Variants in MIER1 observed in about 807,000 individuals in gnomAD.
The protein encoded by MIER1 is mesoderm induction early response protein 1.
A neutral mutation model predicts 75.7 loss-of-function variants in MIER1; 40 were observed. The observed-to-expected ratio is 0.53, with a 90% CI of 0.41 to 0.69. The LOEUF (loss-of-function observed/expected upper bound fraction) is 0.69. Among genes scored for constraint, MIER1 ranks in the 30% least tolerant of loss-of-function variants. The pLI, the probability that MIER1 is intolerant of heterozygous loss-of-function variation, is 0.00. For missense variants in MIER1, 574 were observed against 680.2 expected (o/e 0.84, Z 1.74); for synonymous variants, 213 against 223.4 (o/e 0.95, Z 0.42).
At chr1:66,925,424 T>G (rs898026611) in intron 1 of MIER1, 19 of 985,314 alleles carry the variant, frequency 1.9e-5, no homozygotes, top group Non-Finnish European at 2.3e-5. Flanking sequence ...CTGATCCCAG[T>G]CGGGGTGGGG....
At chr1:66,959,033 G>T in intron 6 of MIER1, 50 bp downstream of exon 6, 2 of 1,498,674 alleles carry the variant, frequency 1.3e-6, no homozygotes, top group South Asian at 1.2e-5. Flanking sequence ...ACTATTTTAG[G>T]TATTACCTAA....
intron 2 of MIER1, chr1:66,929,261 T>G (rs1358242306): frequency 2.8e-6 from 1 of 352,760 alleles, no homozygotes; most frequent in Non-Finnish European, 5.4e-6. Context: ...TGGTTGATTT[T>G]GGTAGCCACT....
chr1:66,969,494 A>G (rs1663128153), intron 8 of MIER1, among the ~76,000 whole-genome samples: 1 of 139,750 alleles, frequency 7.2e-6, no homozygotes, highest in Admixed American at 7.8e-5. Context: ...GCAGTGAGCC[A>G]AGATCGCGCC....
intron 3 of MIER1, among the ~76,000 whole-genome samples, chr1:66,945,318 A>ATAT (rs1558042276): frequency 2.3e-4 from 31 of 134,760 alleles, no homozygotes; most frequent in Non-Finnish European, 4.0e-4. Context: ...TATATATATA[A>ATAT]AATACCTAAT....
Position 66,985,751 on chromosome 1 carries a change from T to G in MIER1, c.*851T>G. On this transcript the variant is annotated 3_prime_UTR_variant, in exon 14 of 14. Coordinates refer to ENST00000401041, the MANE Select transcript of MIER1 (RefSeq NM_001077700.3). The stretch of plus-strand genomic sequence containing the variant: ...GTTTTTCTAATGAATTTTTAAGTGT[T>G]TGTGTAGTAATTAAGTCATATTTCT... 1.0e-6 allele frequency: 1 copy of G among 972,936 alleles called. No individual in the cohort carries two copies. Among genetic ancestry groups the G allele is most frequent in the South Asian group, 4.8e-5 (1 of 21,028 alleles). 60.3% of individuals were successfully genotyped at this position (972,936 alleles called of 1,614,324 possible).
Position 66,986,613 on chromosome 1 carries a change from G to C in MIER1, c.*1713G>C. 1 of 678,408 alleles carries C rather than the reference G, an allele frequency of 1.5e-6. No homozygotes were observed. The highest frequency in any genetic ancestry group is 2.5e-6 in the Non-Finnish European group (1 of 398,720). 42.0% of individuals were successfully genotyped at this position (678,408 alleles called of 1,614,324 possible). A position where few individuals can be genotyped will look rare whatever the true frequency, so the allele number is the denominator to read the frequency against. On this transcript the variant is annotated 3_prime_UTR_variant, in exon 14 of 14. Transcript: ENST00000401041. The stretch of plus-strand genomic sequence containing the variant: ...GTTCGGACTGCTTCCCTTCACCAAT[G>C]TGAACAACTTTTTTTCCCAAACAGT...
intron 2 of MIER1, among the ~76,000 whole-genome samples, chr1:66,938,659 A>G (rs1354635693): frequency 6.6e-6 from 1 of 152,150 alleles, no homozygotes; most frequent in African/African-American, 2.4e-5. Context: ...CTACTCTCCA[A>G]GCTTCCCATT....
At chr1:66,955,393 A>T (rs1028482130) in intron 4 of MIER1, among the ~76,000 whole-genome samples, 2 of 130,036 alleles carry the variant, frequency 1.5e-5, no homozygotes, top group African/African-American at 6.1e-5. Context: ...CTCACTGGAG[A>T]CTTACTAGGT....
intron 8 of MIER1, among the ~76,000 whole-genome samples, chr1:66,963,648 G>A (rs1174129268): frequency 1.3e-5 from 2 of 152,112 alleles, no homozygotes; most frequent in South Asian, 2.1e-4. Flanking sequence ...CGTGGCTCAC[G>A]CCTGTAATCC....
chr1:66,984,355 A>G (rs1186612191), intron 13 of MIER1, among the ~76,000 whole-genome samples: 1 of 152,214 alleles, frequency 6.6e-6, no homozygotes, highest in African/African-American at 2.4e-5. Context: ...AGGAATATCT[A>G]TTATGATCTT....
chr1:66,945,309 ATATAT>A (rs1657329585), intron 3 of MIER1, among the ~76,000 whole-genome samples: 3 of 79,314 alleles, frequency 3.8e-5, no homozygotes, highest in Non-Finnish European at 5.8e-5. Context: ...ATATATATAT[ATATAT>A]ATAAAATACC....
In MIER1 at chr1:66,985,302, A is replaced by C. The variant is rs1666636560; in HGVS notation, c.*402A>C. The C allele has an allele frequency of 1.0e-6, 1 of 985,312 alleles. No individual in the cohort carries two copies. The highest frequency in any genetic ancestry group is 1.2e-6 in the Non-Finnish European group (1 of 829,818). 61.0% of individuals were successfully genotyped at this position (985,312 alleles called of 1,614,324 possible). ...AGTTTGATGGATGAATGGGAAACTC[A>C]AGTCCAAATTTCTGCTTAATACCAA... is the stretch of plus-strand genomic sequence containing the variant. On this transcript the variant is annotated 3_prime_UTR_variant, in exon 14 of 14. Transcript: ENST00000401041.
Position 66,948,348 on chromosome 1 carries a change from T to C in MIER1, c.339+2053T>C, listed in dbSNP as rs1431562804. 2.0e-5 allele frequency: 10 copies of C among 503,366 alleles called. No homozygotes were observed. In the East Asian group the frequency reaches 1.4e-3, roughly 69 times the overall value. The allele number at this position is 503,366 out of a possible 1,614,324, so 31.2% of individuals were successfully genotyped here. A position where few individuals can be genotyped will look rare whatever the true frequency, so the allele number is the denominator to read the frequency against. On this transcript the variant is annotated intron_variant, in intron 4 of 13. Coordinates refer to ENST00000401041, the MANE Select transcript of MIER1 (RefSeq NM_001077700.3). ...TCATGAAAAATGAATGCTTATACTT[T>C]TATGGTAATAAAGACCTATGTCTCA...
intron 4 of MIER1, among the ~76,000 whole-genome samples, chr1:66,955,752 TG>T (rs1558063695): frequency 6.6e-6 from 1 of 152,214 alleles, no homozygotes; most frequent in Non-Finnish European, 1.5e-5. Context: ...TTAACGCTTA[TG>T]TTTTTTTCCT....
intron 2 of MIER1, among the ~76,000 whole-genome samples, chr1:66,926,913 T>G (rs1651955215): frequency 1.3e-5 from 2 of 152,136 alleles, no homozygotes; most frequent in Non-Finnish European, 2.9e-5. Context: ...AACAGATAGG[T>G]TTATATAGTA....
chr1:66,948,060 A>G, intron 4 of MIER1: 1 of 970,172 alleles, frequency 1.0e-6, no homozygotes, highest in Non-Finnish European at 1.2e-6. Flanking sequence ...GTGTTAGGAC[A>G]CAATTTGTAA....
chr1:66,929,402 A>G (rs780634523), intron 2 of MIER1, among the ~76,000 whole-genome samples: 2 of 152,362 alleles, frequency 1.3e-5, no homozygotes, highest in Non-Finnish European at 2.9e-5. Flanking sequence ...GTTATTCAGT[A>G]TGTGCCTTAG....
chr1:66,958,294 A>G, intron 5 of MIER1, 74 bp downstream of exon 5: 2 of 998,854 alleles, frequency 2.0e-6, no homozygotes, highest in Admixed American at 3.2e-5. Context: ...ATATATTTTG[A>G]TTACTTGTCT....
rs567573307 is a variant in MIER1 at position 66,957,215 on chromosome 1, G to GTA, written c.340-841_340-840dup. 6.2e-4 allele frequency among the ~76,000 whole-genome samples: 94 copies of GTA among 152,284 alleles called. 1 individual carries two copies. The highest frequency in any genetic ancestry group is 6.5e-4 in the Admixed American group (10 of 15,298). Reference sequence around the variant, plus strand: ...GTTTACTGGTTAGAGTGAGTAGTTTGTATAGAAAGCTGATTTCATTTCATT... The same window carrying GTA: ...GTTTACTGGTTAGAGTGAGTAGTTTGTATATAGAAAGCTGATTTCATTTCATT... On this transcript the variant is annotated intron_variant, in intron 4 of 13. Transcript: ENST00000401041.
Sources: gnomAD v4.1 joint callset for allele counts (sites outside exome capture counted in the v4.1 genomes callset) on GRCh38, gnomAD v4.1.1 for gene constraint, MANE v1.5 for transcripts, NCBI Gene and HGNC (gene_info 2026-07-23, HGNC 2026-07-21) for gene names.